DLGAP2: variants seen among roughly 807,000 people sequenced by gnomAD.
DLGAP2 encodes disks large-associated protein 2.
Under a neutral mutation model 100.3 loss-of-function variants are expected in DLGAP2, and 26 were observed. The observed-to-expected ratio is 0.26, with a 90% CI of 0.19 to 0.36. The LOEUF is 0.36. DLGAP2 is among the 10% of genes least tolerant of loss of function. The pLI is 1.00. For synonymous variants in DLGAP2, 886 were observed against 630.1 expected, an observed-to-expected ratio of 1.41 and a Z score of -6.08; for missense variants, 1,858 against 1,453.2, an observed-to-expected ratio of 1.28 and a Z score of -4.53.
In DLGAP2 at chr8:857,892, C is replaced by T. The variant is rs577853036; in HGVS notation, c.19-50020C>T. 3.7e-4 allele frequency among the ~76,000 whole-genome samples: 56 copies of T among 150,172 alleles called. No homozygotes were observed. In the South Asian group the frequency reaches 4.4e-3, roughly 12 times the overall value. Reference sequence around the variant, plus strand: ...ACATGATTTTTTTTTTTTTTTGAGACGGAGCCTCGCTCTTGTTGCCCAGGC... The same window carrying T: ...ACATGATTTTTTTTTTTTTTTGAGATGGAGCCTCGCTCTTGTTGCCCAGGC... On this transcript the variant is annotated intron_variant, in intron 1 of 14. Coordinates refer to ENST00000637795, the MANE Select transcript of DLGAP2 (RefSeq NM_001346810.2).
intron 6 of DLGAP2, among the ~76,000 whole-genome samples, chr8:1,617,760 C>T (rs1797204232): frequency 6.6e-6 from 1 of 152,148 alleles, no homozygotes; most frequent in Non-Finnish European, 1.5e-5. Flanking sequence ...ACCTCTAGAG[C>T]AACCACTCAA....
intron 3 of DLGAP2, among the ~76,000 whole-genome samples, chr8:1,341,835 C>G (rs1452356731): frequency 6.6e-6 from 1 of 152,190 alleles, no homozygotes; most frequent in Non-Finnish European, 1.5e-5. Flanking sequence ...GCCTACAGAA[C>G]ATGGACCTGT....
At chr8:1,225,156 T>C (rs1455284795) in intron 2 of DLGAP2, among the ~76,000 whole-genome samples, 1 of 152,216 alleles carries the variant, frequency 6.6e-6, no homozygotes, top group Non-Finnish European at 1.5e-5. Context: ...AGTGCTTGCA[T>C]GATAGCCGAA....
chr8:1,536,938 G>A (rs1363575215), intron 4 of DLGAP2, among the ~76,000 whole-genome samples: 1 of 152,080 alleles, frequency 6.6e-6, no homozygotes, highest in Non-Finnish European at 1.5e-5. Context: ...GCCTGGCATG[G>A]TCTAGGATGT....
At chr8:976,291 T>C (rs974871829) in intron 2 of DLGAP2, among the ~76,000 whole-genome samples, 3 of 152,014 alleles carry the variant, frequency 2.0e-5, no homozygotes, top group African/African-American at 4.8e-5. Context: ...AATCGGCCAA[T>C]AGAACACAAT....
intron 4 of DLGAP2, among the ~76,000 whole-genome samples, chr8:1,525,852 T>C (rs187277399): frequency 1.5e-4 from 23 of 152,226 alleles, no homozygotes; most frequent in Admixed American, 8.5e-4. Context: ...CTGTGTGACG[T>C]TGGGCGGTGA....
At chr8:948,512 G>A (rs1290662590) in intron 2 of DLGAP2, among the ~76,000 whole-genome samples, 1 of 152,210 alleles carries the variant, frequency 6.6e-6, no homozygotes, top group Non-Finnish European at 1.5e-5. Context: ...GGTCACAGCA[G>A]GGGAGACGTT....
chr8:1,226,849 G>C (rs1207901333), intron 2 of DLGAP2, among the ~76,000 whole-genome samples: 1 of 152,028 alleles, frequency 6.6e-6, no homozygotes, highest in Admixed American at 6.6e-5. Flanking sequence ...GCATAGCTAT[G>C]AAAAGAGAGA....
At chr8:1,125,037 A>G (rs1001736259) in intron 2 of DLGAP2, among the ~76,000 whole-genome samples, 3 of 152,210 alleles carry the variant, frequency 2.0e-5, no homozygotes, top group African/African-American at 7.2e-5. Flanking sequence ...CTCCTCGTTC[A>G]GGGTCTGTAT....
chr8:1,094,687 T>G (rs1804307136), intron 2 of DLGAP2, among the ~76,000 whole-genome samples: 1 of 152,242 alleles, frequency 6.6e-6, no homozygotes, highest in Non-Finnish European at 1.5e-5. Flanking sequence ...GTGTCTTTAT[T>G]GACCGTGCAG....
chr8:1,669,992 C>T (rs1465333778), intron 10 of DLGAP2, among the ~76,000 whole-genome samples: 1 of 152,180 alleles, frequency 6.6e-6, no homozygotes, highest in East Asian at 1.9e-4. Context: ...CCTCGCTGGG[C>T]TCCGGCGCCG....
chr8:785,547 G>C lies in DLGAP2; in HGVS notation c.18+47722G>C, dbSNP rs56027868. On this transcript the variant is annotated intron_variant, in intron 1 of 14. Coordinates refer to ENST00000637795, the MANE Select transcript of DLGAP2 (RefSeq NM_001346810.2). ...AGACCGGCTTCCCTCCTCCCCTCAG[G>C]TCTCTCTGAGACCGGCCTCCCTCCC... Among the ~76,000 whole-genome samples the C allele has an allele frequency of 5.9e-5, 8 of 135,850 alleles. No homozygotes were observed. The South Asian group carries it at 1.7e-3, about 29-fold the overall frequency. 89.1% of individuals were successfully genotyped at this position (135,850 alleles called of 152,430 possible).
At chr8:1,517,276 A>G (rs1022482401) in intron 4 of DLGAP2, among the ~76,000 whole-genome samples, 5 of 152,082 alleles carry the variant, frequency 3.3e-5, no homozygotes, top group African/African-American at 1.2e-4. Flanking sequence ...AGGAGCTTGG[A>G]AAAAGGACCC....
chr8:1,007,383 A>C (rs958635175), intron 2 of DLGAP2, among the ~76,000 whole-genome samples: 1 of 152,234 alleles, frequency 6.6e-6, no homozygotes, highest in African/African-American at 2.4e-5. Flanking sequence ...GGAGTGAAGC[A>C]GAAGGAAGAC....
At chr8:1,565,330 G>A (rs1450695503) in intron 5 of DLGAP2, among the ~76,000 whole-genome samples, 1 of 146,090 alleles carries the variant, frequency 6.8e-6, no homozygotes. Context: ...TTTCTTCTCT[G>A]TTCAGTTTCT....
chr8:1,259,371 AC>A (rs1799298426), intron 3 of DLGAP2, among the ~76,000 whole-genome samples: 1 of 152,310 alleles, frequency 6.6e-6, no homozygotes, highest in Middle Eastern at 3.4e-3. Context: ...TGTGTTTAAA[AC>A]ACGCGGCAAA....
At chr8:997,889 A>C (rs10098380) in intron 2 of DLGAP2, among the ~76,000 whole-genome samples, 1 of 151,700 alleles carries the variant, frequency 6.6e-6, no homozygotes, top group African/African-American at 2.4e-5. Flanking sequence ...CACATGCATA[A>C]ACACCCATGC....
At chr8:1,121,807 C>T (rs1241612115) in intron 2 of DLGAP2, among the ~76,000 whole-genome samples, 2 of 152,182 alleles carry the variant, frequency 1.3e-5, no homozygotes, top group Non-Finnish European at 2.9e-5. Flanking sequence ...GGCCTCTCAT[C>T]CTCATTCCTT....
At chr8:1,241,100 C>T (rs80049750) in intron 2 of DLGAP2, among the ~76,000 whole-genome samples, 2 of 98,132 alleles carry the variant, frequency 2.0e-5, no homozygotes, top group African/African-American at 4.3e-5. Flanking sequence ...TCTCACATGG[C>T]GCCGTGTCTG....
Sources: gnomAD v4.1 joint callset for allele counts (sites outside exome capture counted in the v4.1 genomes callset) on GRCh38, gnomAD v4.1.1 for gene constraint, MANE v1.5 for transcripts, NCBI Gene and HGNC (gene_info 2026-07-23, HGNC 2026-07-21) for gene names.